Variants in PTPRN2 observed in about 807,000 individuals in gnomAD.
PTPRN2 encodes the protein protein tyrosine phosphatase receptor type N2, also known as receptor-type tyrosine-protein phosphatase N2.
A neutral mutation model predicts 118.8 loss-of-function variants in PTPRN2; 74 were observed. The observed-to-expected ratio is 0.62, with a 90% CI of 0.52 to 0.76. The LOEUF (loss-of-function observed/expected upper bound fraction) is 0.76. PTPRN2 is among the 30% of genes least tolerant of loss of function. The pLI is 0.00. For missense variants in PTPRN2, 1,481 were observed against 1,394.4 expected (o/e 1.06, Z -0.99); for synonymous variants, 641 against 608.0 (o/e 1.05, Z -0.80).
intron 11 of PTPRN2, among the ~76,000 whole-genome samples, chr7:157,946,312 G>A (rs1451351238): frequency 6.6e-6 from 1 of 152,036 alleles, no homozygotes; most frequent in East Asian, 1.9e-4. Context: ...AAATCCAGCT[G>A]GTCCTGAGAG....
chr7:158,280,307 C>T (rs1001712162), intron 3 of PTPRN2, among the ~76,000 whole-genome samples: 4 of 152,238 alleles, frequency 2.6e-5, no homozygotes, highest in East Asian at 1.9e-4. Flanking sequence ...TGGCTAACCC[C>T]GTCGGGGGCC....
intron 1 of PTPRN2, among the ~76,000 whole-genome samples, chr7:158,508,662 G>A: frequency 7.5e-6 from 1 of 132,714 alleles, no homozygotes. Context: ...TGGGTGTCGG[G>A]GCAACGTGGG....
intron 2 of PTPRN2, among the ~76,000 whole-genome samples, chr7:158,385,008 G>A (rs1447190152): frequency 6.6e-6 from 1 of 152,036 alleles, no homozygotes; most frequent in African/African-American, 2.4e-5. Context: ...CGCCCTCACC[G>A]CAGAAGAATT....
chr7:158,392,718 G>C (rs1812035270), intron 2 of PTPRN2, among the ~76,000 whole-genome samples: 1 of 152,074 alleles, frequency 6.6e-6, no homozygotes, highest in South Asian at 2.1e-4. Flanking sequence ...GCAGCCAAGG[G>C]GCAGGGTCCT....
chr7:158,033,466 C>A (rs552026337), intron 11 of PTPRN2, among the ~76,000 whole-genome samples: 34 of 152,154 alleles, frequency 2.2e-4, no homozygotes, highest in Non-Finnish European at 4.4e-4. Flanking sequence ...TCGGACCACA[C>A]CTGATTGTTT....
intron 14 of PTPRN2, among the ~76,000 whole-genome samples, chr7:157,626,706 A>T (rs1021399322): frequency 1.3e-5 from 2 of 152,240 alleles, no homozygotes; most frequent in African/African-American, 4.8e-5. Flanking sequence ...ACAGGCAGCA[A>T]GCACTCAGCC....
chr7:157,982,280 A>G (rs1803295313), intron 11 of PTPRN2, among the ~76,000 whole-genome samples: 1 of 47,512 alleles, frequency 2.1e-5, no homozygotes. Context: ...CAAGGAGGGG[A>G]ATGCAGAGTG....
intron 6 of PTPRN2, among the ~76,000 whole-genome samples, chr7:158,149,031 T>A (rs1486955073): frequency 2.3e-5 from 3 of 129,920 alleles, no homozygotes; most frequent in Non-Finnish European, 4.9e-5. Context: ...ACGCCACGTG[T>A]CTTTCCCTCT....
Position 157,913,344 on chromosome 7 carries a change from C to T in PTPRN2, c.1724-14607G>A, listed in dbSNP as rs889991704. Among the ~76,000 whole-genome samples, 13 of 152,048 alleles carry T rather than the reference C, an allele frequency of 8.5e-5. No individual in the cohort carries two copies. In the East Asian group the frequency reaches 9.6e-4, roughly 11 times the overall value. On this transcript the variant is annotated intron_variant, in intron 11 of 22. Coordinates refer to ENST00000389418, the MANE Select transcript of PTPRN2 (RefSeq NM_002847.5). ...GTCTCTTCTGAGTAAATAATGAGGC[C>T]GTCTGTGAATAATGACAGGCTTGCT...
chr7:158,034,374 G>A lies in PTPRN2; in HGVS notation c.1723+46924C>T, dbSNP rs577774280. On this transcript the variant is annotated intron_variant, in intron 11 of 22. Coordinates refer to ENST00000389418, the MANE Select transcript of PTPRN2 (RefSeq NM_002847.5). ...CTGCCACAATTCCCATGTGTCATGG[G>A]AAGACCCCAGTGGGAGGTACCTGAA... Among the ~76,000 whole-genome samples the A allele has an allele frequency of 1.1e-4, 17 of 152,346 alleles. No homozygotes were observed. The South Asian group carries it at 3.5e-3, about 32-fold the overall frequency.
Position 157,791,064 on chromosome 7 carries a change from C to A in PTPRN2, c.1788+107609G>T, listed in dbSNP as rs113122510. Among the ~76,000 whole-genome samples, 8 of 152,188 alleles carry A rather than the reference C, an allele frequency of 5.3e-5. 1 individual carries two copies. Among genetic ancestry groups the A allele is most frequent in the African/African-American group, 1.9e-4 (8 of 41,510 alleles). ...ACATACTTTATGAGCAAAAAAAATC[C>A]CGTTTCTTATAATCTAATTGATAAG... On this transcript the variant is annotated intron_variant, in intron 12 of 22. Coordinates refer to ENST00000389418, the MANE Select transcript of PTPRN2 (RefSeq NM_002847.5).
chr7:158,046,219 T>C (rs986330039), intron 11 of PTPRN2, among the ~76,000 whole-genome samples: 1 of 148,816 alleles, frequency 6.7e-6, no homozygotes, highest in African/African-American at 2.5e-5. Flanking sequence ...CCTTGTTCTG[T>C]CCAGGAGCAG....
chr7:157,974,846 G>A lies in PTPRN2; in HGVS notation c.1724-76109C>T, dbSNP rs563186092. ...TCTGTGGGTGAAGAGCTGTGCGGGC[G>A]GGCACTGAGAAGAGGTGCCCACGTC... is the stretch of plus-strand genomic sequence containing the variant. On this transcript the variant is annotated intron_variant, in intron 11 of 22. Transcript: ENST00000389418. The surrounding 1 kb of genome is among the most constrained non-coding windows in gnomAD (Gnocchi z 4.0). Among the ~76,000 whole-genome samples the A allele has an allele frequency of 2.6e-5, 4 of 152,202 alleles. No homozygotes were observed. The highest frequency in any genetic ancestry group is 7.2e-5 in the African/African-American group (3 of 41,518).
rs1250587115 is a variant in PTPRN2 at position 157,610,279 on chromosome 7, G to T, written c.2345-6204C>A. On this transcript the variant is annotated intron_variant, in intron 15 of 22. Transcript: ENST00000389418. The surrounding 1 kb of genome is among the most constrained non-coding windows in gnomAD (Gnocchi z 5.1). ...GGGGCCTCACGGAACTCGGCAATGG[G>T]GTTCCTTCCACTCAGGGGTCTCAGG... 1.3e-5 allele frequency among the ~76,000 whole-genome samples: 2 copies of T among 152,204 alleles called. No individual in the cohort carries two copies. Among genetic ancestry groups the T allele is most frequent in the African/African-American group, 4.8e-5 (2 of 41,436 alleles).
intron 5 of PTPRN2, among the ~76,000 whole-genome samples, chr7:158,178,771 G>A (rs1205888691): frequency 6.6e-6 from 1 of 151,472 alleles, no homozygotes; most frequent in African/African-American, 2.4e-5. Flanking sequence ...CTAATTTTTT[G>A]TATTTTTAGT....
At chr7:157,877,170 G>A (rs1795820405) in intron 12 of PTPRN2, among the ~76,000 whole-genome samples, 1 of 148,512 alleles carries the variant, frequency 6.7e-6, no homozygotes, top group African/African-American at 2.5e-5. Flanking sequence ...AGATCTGAGT[G>A]CAGCACCAGG....
At position 158,138,779 on chromosome 7, in the gene PTPRN2, G is replaced by A. The variant is rs547916286; in HGVS notation, c.911-264C>T. On this transcript the variant is annotated intron_variant, in intron 6 of 22. Transcript: ENST00000389418. ...GACAGACTCATCCACGCGCTCAGGA[G>A]GATGGAAAGCACAGCTTCCAGAAAA... is the stretch of plus-strand genomic sequence containing the variant. 5.3e-5 allele frequency among the ~76,000 whole-genome samples: 8 copies of A among 152,342 alleles called. 1 individual carries two copies. Among genetic ancestry groups the A allele is most frequent in the African/African-American group, 1.9e-4 (8 of 41,570 alleles).
intron 11 of PTPRN2, among the ~76,000 whole-genome samples, chr7:157,899,098 T>C (rs1323465300): frequency 1.3e-5 from 2 of 152,108 alleles, no homozygotes; most frequent in Admixed American, 6.5e-5. Context: ...GCTGTATAAT[T>C]ACTGGGAAAT....
chr7:158,504,411 G>A lies in PTPRN2; in HGVS notation c.113-14626C>T, dbSNP rs149405024. On this transcript the variant is annotated intron_variant, in intron 1 of 22. Transcript: ENST00000389418. ...CCCCCCCATGTGTCCATGTGCTCCC[G>A]TCATTCAGCTCCCACTTATAAGTGA... Among the ~76,000 whole-genome samples, 494 of 152,022 alleles carry A rather than the reference G, an allele frequency of 3.2e-3. 9 individuals are homozygous for A. In the East Asian group the frequency reaches 0.035, roughly 11 times the overall value.
Sources: allele counts gnomAD v4.1 joint callset (sites outside exome capture counted in the v4.1 genomes callset), GRCh38; gene constraint gnomAD v4.1.1; non-coding constraint Gnocchi (gnomAD v3.1); transcripts MANE v1.5; gene names NCBI Gene and HGNC (gene_info 2026-07-23, HGNC 2026-07-21).